Variants in MYOM2 observed in about 807,000 individuals in gnomAD.
The protein encoded by MYOM2 is myomesin-2.
Under a neutral mutation model 187.6 loss-of-function variants are expected in MYOM2, and 254 were observed. The ratio of observed to expected loss-of-function variants is 1.35; its 90% confidence interval spans 1.22 to 1.50. MYOM2 has a LOEUF of 1.50. Among genes scored for constraint, MYOM2 ranks in the 40% most tolerant of loss-of-function variants. MYOM2 has a pLI of 0.00. For missense variants in MYOM2, 2,796 were observed against 1,924.0 expected (o/e 1.45, Z -8.48); for synonymous variants, 981 against 753.8 (o/e 1.30, Z -4.94).
At chr8:2,131,978 A>G (rs1797890306) in intron 32 of MYOM2, among the ~76,000 whole-genome samples, 1 of 152,184 alleles carries the variant, frequency 6.6e-6, no homozygotes, top group South Asian at 2.1e-4. Context: ...TAACTAAACT[A>G]TAAGACCTTA....
chr8:2,135,753 A>G (rs958493837), intron 32 of MYOM2, among the ~76,000 whole-genome samples: 1 of 152,240 alleles, frequency 6.6e-6, no homozygotes, highest in African/African-American at 2.4e-5. Flanking sequence ...AAACAACAAT[A>G]ATAATAATTT....
intron 15 of MYOM2, 36 bp from the exon 16 acceptor site, chr8:2,092,310 T>C (rs748518111): frequency 6.2e-7 from 1 of 1,604,700 alleles, no homozygotes; most frequent in South Asian, 1.1e-5. Context: ...AAAGCTCTGA[T>C]GCCATTTCAC....
intron 25 of MYOM2, among the ~76,000 whole-genome samples, chr8:2,113,441 G>C (rs1488007408): frequency 6.6e-6 from 1 of 152,192 alleles, no homozygotes; most frequent in Non-Finnish European, 1.5e-5. Context: ...GAAGGCCTTG[G>C]GAGGTCTCTA....
chr8:2,090,979 A>G (rs1331695283), intron 15 of MYOM2, among the ~76,000 whole-genome samples: 1 of 128,580 alleles, frequency 7.8e-6, no homozygotes, highest in Non-Finnish European at 1.5e-5. Context: ...CTCTGGGTAT[A>G]TATGCAGTAC....
chr8:2,093,295 A>G (rs1345003985), intron 16 of MYOM2, among the ~76,000 whole-genome samples: 1 of 152,248 alleles, frequency 6.6e-6, no homozygotes, highest in East Asian at 1.9e-4. Flanking sequence ...CGATCAGAAT[A>G]AGAAACTTAA....
At chr8:2,124,312 G>T in intron 31 of MYOM2, 95 bp downstream of exon 31, 1 of 1,253,526 alleles carries the variant, frequency 8.0e-7, no homozygotes, top group Non-Finnish European at 1.1e-6. Context: ...GGGCACCATG[G>T]AGCTGTGGTG....
rs1427345754 is a variant in MYOM2 at position 2,086,153 on chromosome 8, C to A, written c.1644+763C>A. ...CCCACTGTCGTGATCTCTGCGTGGCCCCCCACTGTTGTGATCTCTGCGTGG... is the reference window on the plus strand; with the variant it reads ...CCCACTGTCGTGATCTCTGCGTGGCACCCCACTGTTGTGATCTCTGCGTGG... On this transcript the variant is annotated intron_variant, in intron 14 of 36. Transcript: ENST00000262113. 4.0e-4 allele frequency among the ~76,000 whole-genome samples: 6 copies of A among 14,932 alleles called. 1 individual carries two copies. The highest frequency in any genetic ancestry group is 2.4e-3 in the Admixed American group (3 of 1,254). 9.8% of individuals were successfully genotyped at this position (14,932 alleles called of 152,430 possible).
intron 3 of MYOM2, among the ~76,000 whole-genome samples, chr8:2,053,470 A>AT (rs1345348881): frequency 6.6e-6 from 1 of 152,196 alleles, no homozygotes; most frequent in African/African-American, 2.4e-5. Flanking sequence ...TATTTTTATC[A>AT]TTTAAACATT....
At chr8:2,132,140 C>A (rs62479971) in intron 32 of MYOM2, among the ~76,000 whole-genome samples, 21,173 of 152,114 alleles carry the variant, frequency 0.14, 2,576 homozygotes, top group African/African-American at 0.31. Context: ...AAATTTGTTG[C>A]AATATACTTT....
At chr8:2,132,693 C>T (rs1380982141) in intron 32 of MYOM2, among the ~76,000 whole-genome samples, 1 of 152,136 alleles carries the variant, frequency 6.6e-6, no homozygotes, top group African/African-American at 2.4e-5. Flanking sequence ...ATCAAGGAAT[C>T]CTCTTGCCTT....
chr8:2,092,339 C>T lies in MYOM2; in HGVS notation c.1829-7C>T, dbSNP rs559537736. 2.9e-5 allele frequency: 47 copies of T among 1,613,206 alleles called. No homozygotes were observed. The highest frequency in any genetic ancestry group is 1.1e-4 in the South Asian group (10 of 90,930). On this transcript the variant is annotated splice_region_variant and splice_polypyrimidine_tract_variant and intron_variant, in intron 15 of 36. Transcript: ENST00000262113. ...ATTTCACCACTCCTTTTGTCTCCTA[C>T]GAAAAGTTGTCCCTTCTGCTCCGGG...
intron 3 of MYOM2, among the ~76,000 whole-genome samples, chr8:2,055,250 C>G (rs184896099): frequency 1.2e-4 from 19 of 152,292 alleles, no homozygotes; most frequent in Non-Finnish European, 2.2e-4. Context: ...ATTCAACATG[C>G]ACATGCATGT....
rs1819797507 is a variant in MYOM2, at chr8:2,085,477, ATCTCCGCGTGGCCCCTCACTGTTG to A, written c.1644+89_1644+112del. 1.0e-5 allele frequency: 15 copies of A among 1,469,216 alleles called. 2 individuals are homozygous for A. Among genetic ancestry groups the A allele is most frequent in the Middle Eastern group, 2.1e-4 (1 of 4,822 alleles). The allele number at this position is 1,469,216 out of a possible 1,614,324, so 91.0% of individuals were successfully genotyped here. Reference sequence around the variant, plus strand: ...CTCTGCGTGGCCCACCGCTGTCGTGATCTCCGCGTGGCCCCTCACTGTTGTGATCTCCGCGTGGCCCCCCACTGT... The same window carrying A: ...CTCTGCGTGGCCCACCGCTGTCGTGATGATCTCCGCGTGGCCCCCCACTGT... On this transcript the variant is annotated intron_variant, in intron 14 of 36. Coordinates refer to ENST00000262113, the MANE Select transcript of MYOM2 (RefSeq NM_003970.4).
At position 2,106,373 on chromosome 8, in the gene MYOM2, T is replaced by G. The variant is rs375188148; in HGVS notation, c.2866T>G (p.Phe956Val). 5 of 1,613,916 alleles carry G rather than the reference T, an allele frequency of 3.1e-6. No individual in the cohort carries two copies. The African/African-American group carries it at 6.7e-5, about 22-fold the overall frequency. Residue 956 changes from phenylalanine to valine, a missense_variant, in exon 22 of 37, where the codon TTT becomes GTT. Coordinates refer to ENST00000262113, the MANE Select transcript of MYOM2 (RefSeq NM_003970.4). Reference sequence around the variant, plus strand: ...CGAGGAGATTTCAGATGATGAGAGGTTTAAAATTGAAACCGTGGGGGATCA... The same window carrying G: ...CGAGGAGATTTCAGATGATGAGAGGGTTAAAATTGAAACCGTGGGGGATCA... ...SYEEISDDER[F>V]KIETVGDHSK...
intron 25 of MYOM2, 90 bp downstream of exon 25, chr8:2,109,621 G>C: frequency 1.5e-6 from 2 of 1,373,046 alleles, no homozygotes; most frequent in Non-Finnish European, 2.0e-6. Context: ...TTCTCTGTCT[G>C]TTTCCATCCT....
At chr8:2,124,653 G>C (rs1355090318) in intron 31 of MYOM2, among the ~76,000 whole-genome samples, 1 of 152,112 alleles carries the variant, frequency 6.6e-6, no homozygotes, top group East Asian at 1.9e-4. Flanking sequence ...TGTCAGTTCA[G>C]CTTGTTTTTG....
At chr8:2,142,796 C>T (rs1446102591) in intron 35 of MYOM2, among the ~76,000 whole-genome samples, 1 of 148,870 alleles carries the variant, frequency 6.7e-6, no homozygotes, top group East Asian at 2.0e-4. Context: ...TGCTCTGTCA[C>T]CCAGGCTGGA....
intron 32 of MYOM2, among the ~76,000 whole-genome samples, chr8:2,132,242 TTG>T (rs35873905): frequency 0.14 from 21,137 of 152,076 alleles, 2,568 homozygotes; most frequent in African/African-American, 0.31. Context: ...CTGGAATATT[TTG>T]TGTTAATGGG....
intron 16 of MYOM2, among the ~76,000 whole-genome samples, chr8:2,093,135 G>A (rs977621057): frequency 2.6e-5 from 4 of 152,170 alleles, no homozygotes; most frequent in African/African-American, 9.6e-5. Context: ...AACCACCCTT[G>A]TGGATAGATG....
Sources: gnomAD v4.1 joint callset for allele counts (sites outside exome capture counted in the v4.1 genomes callset) on GRCh38, gnomAD v4.1.1 for gene constraint, MANE v1.5 for transcripts, NCBI Gene and HGNC (gene_info 2026-07-23, HGNC 2026-07-21) for gene names.